SGCD: variants seen among roughly 807,000 people sequenced by gnomAD.
SGCD encodes the protein sarcoglycan delta.
A neutral mutation model predicts 36.6 loss-of-function variants in SGCD; 18 were observed. The ratio of observed to expected loss-of-function variants is 0.49; its 90% CI spans 0.34 to 0.73. SGCD has a LOEUF of 0.73. Ranked by LOEUF, SGCD falls within the 30% of genes least tolerant of loss-of-function variation. The probability of loss-of-function intolerance (pLI) is 0.01; values close to 1 mark genes in which losing one functional copy is unlikely to be tolerated. For synonymous variants in SGCD, 133 were observed against 130.6 expected (o/e 1.02, Z -0.12); for missense variants, 387 against 346.7 (o/e 1.12, Z -0.92).
At chr5:156,432,408 T>C (rs1561691801) in intron 3 of SGCD, among the ~76,000 whole-genome samples, 1 of 152,062 alleles carries the variant, frequency 6.6e-6, no homozygotes, top group Non-Finnish European at 1.5e-5. Flanking sequence ...AGCCAGGAGG[T>C]GGCGTTTGCA....
chr5:156,283,991 A>G (rs895675705), intron 3 of SGCD, among the ~76,000 whole-genome samples: 1 of 152,188 alleles, frequency 6.6e-6, no homozygotes, highest in Non-Finnish European at 1.5e-5. Context: ...GTGTATGTAC[A>G]TGGGTAACTT....
chr5:155,858,008 C>T, the SGCD span, among the ~76,000 whole-genome samples: 1 of 151,806 alleles, frequency 6.6e-6, no homozygotes, highest in South Asian at 2.1e-4. Context: ...GCTTTTTATT[C>T]TATTTTATCT....
chr5:156,102,937 A>G (rs1315145652), intron 1 of SGCD, among the ~76,000 whole-genome samples: 2 of 152,184 alleles, frequency 1.3e-5, no homozygotes, highest in Non-Finnish European at 2.9e-5. Flanking sequence ...ATAAAAATTT[A>G]TCCTTCAAAA....
intron 1 of SGCD, among the ~76,000 whole-genome samples, chr5:155,896,656 A>G (rs1430055744): frequency 6.7e-6 from 1 of 148,788 alleles, no homozygotes; most frequent in African/African-American, 2.4e-5. Context: ...AAAAAAAAAA[A>G]AGACAATAAT....
chr5:156,162,636 G>A (rs531116753), intron 3 of SGCD, among the ~76,000 whole-genome samples: 5 of 151,556 alleles, frequency 3.3e-5, no homozygotes, highest in South Asian at 2.1e-4. Flanking sequence ...TTCCCCCATC[G>A]TTTTGTCCTT....
chr5:156,666,786 A>G (rs1350238539), intron 7 of SGCD, among the ~76,000 whole-genome samples: 1 of 152,072 alleles, frequency 6.6e-6, no homozygotes, highest in Non-Finnish European at 1.5e-5. Flanking sequence ...ATCTCAAGGC[A>G]GAAGAATTTT....
chr5:155,853,741 C>G, the SGCD span, among the ~76,000 whole-genome samples: 2 of 152,150 alleles, frequency 1.3e-5, no homozygotes, highest in Non-Finnish European at 2.9e-5. Context: ...AGTAAACCAT[C>G]ATTTTGCTTA....
chr5:156,200,843 G>GTCCA (rs1764130716), intron 3 of SGCD, among the ~76,000 whole-genome samples: 1 of 152,272 alleles, frequency 6.6e-6, no homozygotes, highest in South Asian at 2.1e-4. Context: ...CAACCCAGAT[G>GTCCA]TCCATCGACA....
chr5:156,741,944 C>T (rs1002534576), intron 7 of SGCD, among the ~76,000 whole-genome samples: 3 of 151,844 alleles, frequency 2.0e-5, no homozygotes, highest in African/African-American at 7.2e-5. Flanking sequence ...GGCACTATCT[C>T]AGCTCACTGA....
intron 1 of SGCD, among the ~76,000 whole-genome samples, chr5:155,984,507 A>G (rs990421304): frequency 2.0e-5 from 3 of 152,212 alleles, no homozygotes; most frequent in Non-Finnish European, 4.4e-5. Flanking sequence ...TTTCGTTCTG[A>G]AGCATGATGC....
intron 3 of SGCD, among the ~76,000 whole-genome samples, chr5:156,302,317 T>C (rs1301909603): frequency 2.0e-5 from 3 of 152,056 alleles, no homozygotes; most frequent in Admixed American, 1.3e-4. Context: ...CATTCTTCAG[T>C]ACATCAATTG....
intron 1 of SGCD, among the ~76,000 whole-genome samples, chr5:155,894,714 C>T (rs757868587): frequency 5.9e-5 from 9 of 152,212 alleles, no homozygotes; most frequent in Non-Finnish European, 8.8e-5. Context: ...GTGCTCCTTA[C>T]GAGACTCTAA....
chr5:156,584,846 T>G (rs1760427485), intron 4 of SGCD, among the ~76,000 whole-genome samples: 1 of 152,184 alleles, frequency 6.6e-6, no homozygotes, highest in African/African-American at 2.4e-5. Flanking sequence ...ACAGTTACTG[T>G]CAACTTTTAT....
At chr5:155,899,011 G>A (rs114338836) in intron 1 of SGCD, among the ~76,000 whole-genome samples, 6,500 of 152,292 alleles carry the variant, frequency 0.043, 386 homozygotes, top group African/African-American at 0.13. Context: ...AGAGGGACAT[G>A]CAGGGACATG....
chr5:156,461,068 A>G (rs943351007), intron 3 of SGCD, among the ~76,000 whole-genome samples: 1 of 152,136 alleles, frequency 6.6e-6, no homozygotes, highest in Non-Finnish European at 1.5e-5. Context: ...TGCTCACACA[A>G]AACCGTTTTC....
Position 156,058,488 on chromosome 5 carries a change from T to C in SGCD, c.-281-59390T>C, listed in dbSNP as rs943620472. The stretch of plus-strand genomic sequence containing the variant: ...GTCTGGGGATGGGGGAGGCTGAGAC[T>C]CAGCATTTCTAACGGGCTTCCAGGA... On this transcript the variant is annotated intron_variant, in intron 1 of 9. Transcript: ENST00000517913. Among the ~76,000 whole-genome samples, 19 of 145,808 alleles carry C rather than the reference T, an allele frequency of 1.3e-4. 3 individuals are homozygous for C. The highest frequency in any genetic ancestry group is 4.9e-5 in the African/African-American group (2 of 40,562).
chr5:156,548,765 G>A (rs542984847), intron 4 of SGCD, among the ~76,000 whole-genome samples: 3 of 152,300 alleles, frequency 2.0e-5, no homozygotes, highest in East Asian at 3.9e-4. Context: ...GTGATGGTGA[G>A]TGAGGCCATT....
At chr5:156,503,090 T>C (rs1051688262) in intron 3 of SGCD, among the ~76,000 whole-genome samples, 8 of 152,236 alleles carry the variant, frequency 5.3e-5, no homozygotes, top group African/African-American at 1.9e-4. Context: ...AAGATGTATA[T>C]GAGGAAAGAT....
the SGCD span, among the ~76,000 whole-genome samples, chr5:155,739,593 G>A: frequency 6.6e-6 from 1 of 152,190 alleles, no homozygotes; most frequent in Admixed American, 6.5e-5. Context: ...CAGAATTTAG[G>A]ATATTTTAGA....
Sources: gnomAD v4.1 joint callset for allele counts (sites outside exome capture counted in the v4.1 genomes callset) on GRCh38, gnomAD v4.1.1 for gene constraint, MANE v1.5 for transcripts, NCBI Gene and HGNC (gene_info 2026-07-23, HGNC 2026-07-21) for gene names.